Variants in VAC14 observed in about 807,000 individuals in gnomAD.
VAC14 encodes the protein VAC14 component of PIKFYVE complex.
Under a neutral mutation model 85.3 loss-of-function variants are expected in VAC14, and 47 were observed. That is an observed-to-expected ratio of 0.55 (90% CI 0.44 to 0.70). The LOEUF is 0.70. VAC14 is among the 30% of genes least tolerant of loss of function. The pLI, the probability that VAC14 is intolerant of heterozygous loss-of-function variation, is 0.00. For synonymous variants in VAC14, 447 were observed against 430.5 expected (o/e 1.04, Z -0.47); for missense variants, 861 against 1,004.3 (o/e 0.86, Z 1.93).
intron 12 of VAC14, chr16:70,761,024 G>GTGTGTGTGTCTGTGTGT (rs1567577775): frequency 5.1e-6 from 1 of 197,510 alleles, no homozygotes; most frequent in Non-Finnish European, 9.5e-6. Flanking sequence ...TGTGTGCATG[G>GTGTGTGTGTCTGTGTGT]GGGGGCGGGG....
intron 14 of VAC14, among the ~76,000 whole-genome samples, chr16:70,709,747 T>C (rs2053990918): frequency 6.6e-6 from 1 of 152,226 alleles, no homozygotes; most frequent in African/African-American, 2.4e-5. Flanking sequence ...GGCCAGCTAC[T>C]GCCTGAGGTC....
At chr16:70,778,068 T>C (rs2033611078) in intron 9 of VAC14, among the ~76,000 whole-genome samples, 2 of 152,178 alleles carry the variant, frequency 1.3e-5, no homozygotes, top group East Asian at 1.9e-4. Flanking sequence ...AAAGTGAGCT[T>C]TTCATCTGCT....
chr16:70,784,843 A>G lies in VAC14; in HGVS notation c.424-5T>C, dbSNP rs761992422. 6.2e-7 allele frequency: 1 copy of G among 1,614,012 alleles called. No homozygotes were observed. The highest frequency in any genetic ancestry group is 1.1e-5 in the South Asian group (1 of 91,070). On this transcript the variant is annotated splice_region_variant and splice_polypyrimidine_tract_variant and intron_variant, in intron 3 of 18. Coordinates refer to ENST00000261776, the MANE Select transcript of VAC14 (RefSeq NM_018052.5). ...GGGGTCTGGGTCGGCTGCCAGCTGC[A>G]AGAGGCACAGACAGGGGAGGGACAC...
intron 14 of VAC14, among the ~76,000 whole-genome samples, chr16:70,729,545 G>A (rs1597896403): frequency 1.3e-5 from 2 of 152,036 alleles, no homozygotes; most frequent in East Asian, 1.9e-4. Flanking sequence ...CTCCTGCAGC[G>A]GCTCGCAGCA....
chr16:70,782,817 G>T (rs2033875592), intron 7 of VAC14, among the ~76,000 whole-genome samples: 1 of 152,212 alleles, frequency 6.6e-6, no homozygotes, highest in African/African-American at 2.4e-5. Context: ...CCAGGTGAAA[G>T]GACCTCTGTG....
At chr16:70,728,368 G>A (rs1054699534) in intron 14 of VAC14, among the ~76,000 whole-genome samples, 1 of 152,194 alleles carries the variant, frequency 6.6e-6, no homozygotes, top group Non-Finnish European at 1.5e-5. Context: ...ACAAAGTGGC[G>A]GCTGCTGAAT....
chr16:70,711,191 C>T (rs1208961624), intron 14 of VAC14, among the ~76,000 whole-genome samples: 1 of 152,232 alleles, frequency 6.6e-6, no homozygotes, highest in Non-Finnish European at 1.5e-5. Context: ...GTGCGGGCCT[C>T]ACCTCCAGGA....
At chr16:70,794,266 C>T (rs1423042217) in intron 1 of VAC14, among the ~76,000 whole-genome samples, 1 of 152,182 alleles carries the variant, frequency 6.6e-6, no homozygotes, top group African/African-American at 2.4e-5. Context: ...CCAAAAGAAA[C>T]CCTGCACCCA....
intron 1 of VAC14, among the ~76,000 whole-genome samples, chr16:70,791,644 G>A (rs919774823): frequency 2.0e-5 from 3 of 152,244 alleles, no homozygotes; most frequent in East Asian, 1.9e-4. Context: ...CCTTGGCCTC[G>A]TAAGTGCTGG....
chr16:70,748,999 G>A (rs951569380), intron 12 of VAC14, among the ~76,000 whole-genome samples: 7 of 152,156 alleles, frequency 4.6e-5, no homozygotes, highest in African/African-American at 1.4e-4. Flanking sequence ...ACACAAAGAA[G>A]TCTGAACTTC....
At chr16:70,798,684 G>C (rs1160157107) in intron 1 of VAC14, among the ~76,000 whole-genome samples, 3 of 152,162 alleles carry the variant, frequency 2.0e-5, no homozygotes, top group Non-Finnish European at 4.4e-5. Context: ...ATCACCCAGG[G>C]ATCTTGTTAA....
At chr16:70,701,115 G>C (rs896490844) in intron 14 of VAC14, among the ~76,000 whole-genome samples, 2 of 152,298 alleles carry the variant, frequency 1.3e-5, no homozygotes, top group African/African-American at 4.8e-5. Flanking sequence ...CTTGCCACCA[G>C]TGATACCACC....
intron 10 of VAC14, 121 bp from the exon 11 acceptor site, chr16:70,763,146 G>C: frequency 7.1e-7 from 1 of 1,410,504 alleles, no homozygotes; most frequent in Non-Finnish European, 9.6e-7. Context: ...ACCGTCTAGG[G>C]GGATCGGGGG....
chr16:70,730,595 T>G lies in VAC14; in HGVS notation c.1661+900A>C, dbSNP rs1385811621. Among the ~76,000 whole-genome samples the G allele has an allele frequency of 3.6e-5, 3 of 83,226 alleles. No homozygotes were observed. In the South Asian group the frequency reaches 9.0e-4, roughly 25 times the overall value. The allele number at this position is 83,226 out of a possible 152,430, so 54.6% of individuals were successfully genotyped here. ...TCACTCATCAGAGGGAGGCCCAGGC[T>G]TTTTTTTTTTTTTTTTTTTGGAGAC... On this transcript the variant is annotated intron_variant, in intron 14 of 18. Transcript: ENST00000261776.
chr16:70,755,231 G>C (rs530739139), intron 12 of VAC14: 2 of 344,708 alleles, frequency 5.8e-6, no homozygotes, highest in Non-Finnish European at 1.2e-5. Flanking sequence ...AGCCCTGGAG[G>C]GGGGCTAGGG....
intron 14 of VAC14, among the ~76,000 whole-genome samples, chr16:70,722,650 G>A (rs1486197803): frequency 2.0e-5 from 3 of 152,106 alleles, no homozygotes; most frequent in Admixed American, 6.5e-5. Flanking sequence ...AGACACACTC[G>A]GTGTTTAAAT....
intron 13 of VAC14, among the ~76,000 whole-genome samples, chr16:70,743,199 G>A (rs777833782): frequency 1.3e-5 from 2 of 152,054 alleles, no homozygotes; most frequent in East Asian, 1.9e-4. Context: ...GATTGTAAAC[G>A]CACCAATCAG....
At chr16:70,790,679 C>G (rs1352058272) in intron 1 of VAC14, among the ~76,000 whole-genome samples, 1 of 152,142 alleles carries the variant, frequency 6.6e-6, no homozygotes, top group Non-Finnish European at 1.5e-5. Flanking sequence ...CCCACCCCCT[C>G]ACCTTTGCAA....
At position 70,744,460 on chromosome 16, in the gene VAC14, C is replaced by T; in HGVS notation, c.1491G>A (p.Val497=). The T allele has an allele frequency of 6.2e-7, 1 of 1,614,000 alleles. No homozygotes were observed. Among genetic ancestry groups the T allele is most frequent in the Non-Finnish European group, 8.5e-7 (1 of 1,179,988 alleles). The change falls in exon 13 of 19, where the codon GTG becomes GTA. Residue 497 remains valine, a synonymous_variant. Coordinates refer to ENST00000261776, the MANE Select transcript of VAC14 (RefSeq NM_018052.5). ...DLQASHSELQ[V]PTPGRAGLLN... is the part of the protein sequence containing the mutation. ...GTAGGCCGGCTCTGCCAGGGGTGGG[C>T]ACCTGGAGCTCTGAGTGGCTGGCCT...
Sources: gnomAD v4.1 joint callset for allele counts (sites outside exome capture counted in the v4.1 genomes callset) on GRCh38, gnomAD v4.1.1 for gene constraint, MANE v1.5 for transcripts, NCBI Gene and HGNC (gene_info 2026-07-23, HGNC 2026-07-21) for gene names.